EIF2AK3: variants seen among roughly 807,000 people sequenced by gnomAD.
EIF2AK3 encodes eukaryotic translation initiation factor 2 alpha kinase 3.
In EIF2AK3, 50 loss-of-function variants were observed where a neutral mutation model predicts 113.5. That is an observed-to-expected ratio of 0.44 (90% confidence interval 0.35 to 0.56). EIF2AK3 has a LOEUF of 0.56. EIF2AK3 is among the 20% of genes least tolerant of loss of function. The pLI is 0.00. For missense variants in EIF2AK3, 1,185 were observed against 1,378.0 expected, an observed-to-expected ratio of 0.86 and a Z score of 2.22; for synonymous variants, 448 against 495.4, an observed-to-expected ratio of 0.90 and a Z score of 1.27.
At chr2:88,577,964 A>G (rs1674504818) in intron 11 of EIF2AK3, among the ~76,000 whole-genome samples, 1 of 152,198 alleles carries the variant, frequency 6.6e-6, no homozygotes, top group Non-Finnish European at 1.5e-5. Flanking sequence ...ATTTACTAAG[A>G]TAAGGCAAAG....
chr2:88,581,274 T>G (rs1674593987), intron 10 of EIF2AK3, among the ~76,000 whole-genome samples: 2 of 151,718 alleles, frequency 1.3e-5, no homozygotes, highest in Admixed American at 1.3e-4. Context: ...TTAAACTGAC[T>G]TAAGTCTAAT....
chr2:88,576,118 A>C (rs1416535316), intron 12 of EIF2AK3, among the ~76,000 whole-genome samples: 1 of 152,264 alleles, frequency 6.6e-6, no homozygotes, highest in Admixed American at 6.5e-5. Context: ...AAGAGAACTA[A>C]ATAACAAACA....
intron 1 of EIF2AK3, among the ~76,000 whole-genome samples, chr2:88,621,854 A>G (rs1675732213): frequency 6.6e-6 from 1 of 151,906 alleles, no homozygotes; most frequent in Admixed American, 6.6e-5. Context: ...TTCCTGTTAC[A>G]TTAAAACATT....
rs1051554200 is a variant in EIF2AK3, at chr2:88,576,497, A to C, written c.2036+57T>G. The C allele has an allele frequency of 3.7e-6, 6 of 1,608,324 alleles. No homozygotes were observed. The African/African-American group carries it at 8.0e-5, about 22-fold the overall frequency. ...AAATCCCTAAAGTTATAAAACTGAC[A>C]TTGTAATCACACAAGCAAAAAACTA... On this transcript the variant is annotated intron_variant, in intron 12 of 16. Transcript: ENST00000303236.
chr2:88,559,696 A>G (rs1673890475), intron 15 of EIF2AK3, among the ~76,000 whole-genome samples: 1 of 152,196 alleles, frequency 6.6e-6, no homozygotes, highest in African/African-American at 2.4e-5. Flanking sequence ...ATATTTCATA[A>G]AAACTGAATG....
chr2:88,573,662 T>G (rs969788557), intron 13 of EIF2AK3, among the ~76,000 whole-genome samples: 1 of 152,202 alleles, frequency 6.6e-6, no homozygotes, highest in African/African-American at 2.4e-5. Context: ...AACAATTATA[T>G]TAAAAAATAA....
intron 10 of EIF2AK3, among the ~76,000 whole-genome samples, chr2:88,580,996 C>T (rs1014790843): frequency 1.3e-5 from 2 of 152,252 alleles, no homozygotes; most frequent in Admixed American, 1.3e-4. Flanking sequence ...TTAAGGAAAA[C>T]ACCTATATAA....
chr2:88,597,162 C>G (rs1405351543), intron 2 of EIF2AK3, among the ~76,000 whole-genome samples: 1 of 152,176 alleles, frequency 6.6e-6, no homozygotes, highest in Non-Finnish European at 1.5e-5. Flanking sequence ...GTGTTCAACT[C>G]ACACATCTAC....
At chr2:88,558,213 C>T (rs1179877888) in intron 16 of EIF2AK3, among the ~76,000 whole-genome samples, 1 of 152,084 alleles carries the variant, frequency 6.6e-6, no homozygotes, top group Non-Finnish European at 1.5e-5. Flanking sequence ...AGTTTGCCAA[C>T]CCTCATTCCA....
intron 11 of EIF2AK3, 143 bp from the exon 12 acceptor site, chr2:88,576,846 T>C (rs1674472792): frequency 1.1e-6 from 1 of 915,082 alleles, no homozygotes; most frequent in Non-Finnish European, 1.6e-6. Context: ...AAAATTAGCC[T>C]GAAAAAGAGA....
At chr2:88,608,794 G>A (rs1474216988) in intron 2 of EIF2AK3, among the ~76,000 whole-genome samples, 4 of 133,000 alleles carry the variant, frequency 3.0e-5, no homozygotes, top group Admixed American at 9.0e-5. Context: ...CGCAACCTCC[G>A]TCTCCCAGGC....
At chr2:88,562,047 A>T (rs936219759) in intron 15 of EIF2AK3, among the ~76,000 whole-genome samples, 2 of 152,216 alleles carry the variant, frequency 1.3e-5, no homozygotes. Context: ...ACATTGTTAA[A>T]TTATGATGAA....
intron 4 of EIF2AK3, among the ~76,000 whole-genome samples, chr2:88,592,493 G>A (rs187129749): frequency 7.4e-4 from 113 of 152,276 alleles, no homozygotes; most frequent in Middle Eastern, 3.4e-3. Context: ...GCCAGGCACC[G>A]TGGCTCATGC....
At chr2:88,602,482 G>C (rs1438675840) in intron 2 of EIF2AK3, among the ~76,000 whole-genome samples, 1 of 152,084 alleles carries the variant, frequency 6.6e-6, no homozygotes, top group Non-Finnish European at 1.5e-5. Flanking sequence ...ACTGAATGTA[G>C]AGATAAGGAA....
intron 10 of EIF2AK3, 185 bp from the exon 11 acceptor site, chr2:88,579,825 ATTC>A (rs1573397161): frequency 7.3e-6 from 4 of 549,958 alleles, no homozygotes; most frequent in East Asian, 3.3e-5. Context: ...AAGCAAACAC[ATTC>A]TTATGTTTCC....
chr2:88,622,515 T>C (rs181267877), intron 1 of EIF2AK3, among the ~76,000 whole-genome samples: 1 of 152,292 alleles, frequency 6.6e-6, no homozygotes, highest in Non-Finnish European at 1.5e-5. Flanking sequence ...AAAAGCAATC[T>C]CCCATCCCTG....
intron 2 of EIF2AK3, among the ~76,000 whole-genome samples, chr2:88,609,945 C>CAAA (rs71378880): frequency 0.14 from 5,395 of 38,820 alleles, 1,018 homozygotes; most frequent in African/African-American, 0.29. Context: ...TCCATCTCTA[C>CAAA]AAAAAAAAAA....
intron 13 of EIF2AK3, among the ~76,000 whole-genome samples, chr2:88,571,635 C>T (rs567861455): frequency 6.0e-4 from 92 of 152,272 alleles, no homozygotes; most frequent in African/African-American, 2.0e-3. Flanking sequence ...ACCTTGTGAT[C>T]CACTGCCACG....
At chr2:88,601,575 C>T (rs1675147608) in intron 2 of EIF2AK3, among the ~76,000 whole-genome samples, 1 of 152,186 alleles carries the variant, frequency 6.6e-6, no homozygotes, top group Non-Finnish European at 1.5e-5. Flanking sequence ...TAAGCACCAT[C>T]TGGCCCTTTA....
Sources: allele counts gnomAD v4.1 joint callset (sites outside exome capture counted in the v4.1 genomes callset), GRCh38; gene constraint gnomAD v4.1.1; transcripts MANE v1.5; gene names NCBI Gene and HGNC (gene_info 2026-07-23, HGNC 2026-07-21).